The following FHIT variants were observed in gnomAD, a reference collection of about 807,000 sequenced individuals.
FHIT encodes fragile histidine triad diadenosine triphosphatase.
In FHIT, 19 loss-of-function variants were observed where a neutral mutation model predicts 17.9. That is an observed-to-expected ratio of 1.06 (90% confidence interval 0.74 to 1.56). FHIT has a LOEUF of 1.56. Ranked by LOEUF, FHIT falls within the 40% of genes most tolerant of loss-of-function variation. The pLI, the probability that FHIT is intolerant of heterozygous loss-of-function variation, is 0.00. For synonymous variants in FHIT, 81 were observed against 69.7 expected (o/e 1.16, Z -0.81); for missense variants, 248 against 189.2 (o/e 1.31, Z -1.82).
chr3:61,228,112 A>G (rs75152811), intron 1 of FHIT, among the ~76,000 whole-genome samples: 5,032 of 152,048 alleles, frequency 0.033, 124 homozygotes, highest in African/African-American at 0.06. Flanking sequence ...AGAATATGCC[A>G]CCCCAAAATA....
chr3:61,126,867 C>A (rs970438553), intron 2 of FHIT, among the ~76,000 whole-genome samples: 1 of 151,936 alleles, frequency 6.6e-6, no homozygotes, highest in African/African-American at 2.4e-5. Flanking sequence ...AGAGAGCAAG[C>A]CCTACTGTAC....
At chr3:60,581,400 A>C (rs1553659669) in intron 4 of FHIT, among the ~76,000 whole-genome samples, 1 of 152,074 alleles carries the variant, frequency 6.6e-6, no homozygotes, top group African/African-American at 2.4e-5. Context: ...TACTGTAACA[A>C]CATTAGACTG....
chr3:61,085,227 T>C (rs575469010), intron 2 of FHIT, among the ~76,000 whole-genome samples: 267 of 152,272 alleles, frequency 1.8e-3, no homozygotes, highest in Admixed American at 2.7e-3. Flanking sequence ...TGCCAAATTG[T>C]TTTCCAAAGT....
chr3:61,230,052 T>C (rs943554875), intron 1 of FHIT, among the ~76,000 whole-genome samples: 3 of 152,362 alleles, frequency 2.0e-5, no homozygotes, highest in African/African-American at 7.2e-5. Flanking sequence ...TTCCCCTCGC[T>C]GTACCTTGTT....
chr3:60,877,140 G>C (rs1289165096), intron 3 of FHIT, among the ~76,000 whole-genome samples: 1 of 152,186 alleles, frequency 6.6e-6, no homozygotes, highest in Non-Finnish European at 1.5e-5. Flanking sequence ...AACTAATACT[G>C]TGCTCTATTC....
chr3:60,960,912 T>G (rs1481316777), intron 3 of FHIT, among the ~76,000 whole-genome samples: 8 of 152,254 alleles, frequency 5.3e-5, no homozygotes, highest in Admixed American at 1.3e-4. Flanking sequence ...TGTGTCTTTA[T>G]AGCAGCATGA....
intron 5 of FHIT, among the ~76,000 whole-genome samples, chr3:60,166,397 A>T (rs1418175079): frequency 6.6e-6 from 1 of 152,174 alleles, no homozygotes; most frequent in Non-Finnish European, 1.5e-5. Flanking sequence ...TTTGGCTGCT[A>T]TTTCAAACTT....
chr3:59,888,639 T>C (rs988771813), intron 8 of FHIT, among the ~76,000 whole-genome samples: 3 of 152,186 alleles, frequency 2.0e-5, no homozygotes, highest in Non-Finnish European at 4.4e-5. Flanking sequence ...TTGATTTTCT[T>C]TGAGGGATCT....
chr3:60,620,660 G>T (rs1340056179), intron 4 of FHIT, among the ~76,000 whole-genome samples: 1 of 151,916 alleles, frequency 6.6e-6, no homozygotes, highest in African/African-American at 2.4e-5. Context: ...GAGGGAAAGA[G>T]GGATGGCTAG....
intron 4 of FHIT, among the ~76,000 whole-genome samples, chr3:60,751,136 A>C (rs2108031366): frequency 6.6e-6 from 1 of 152,368 alleles, no homozygotes; most frequent in South Asian, 2.1e-4. Flanking sequence ...GAGAGTGGTT[A>C]GAACAACAGA....
intron 2 of FHIT, among the ~76,000 whole-genome samples, chr3:61,059,514 T>C (rs1289672655): frequency 1.3e-5 from 2 of 152,122 alleles, no homozygotes; most frequent in Non-Finnish European, 2.9e-5. Context: ...AAGTTTATTC[T>C]CTTCTTAAAT....
intron 2 of FHIT, among the ~76,000 whole-genome samples, chr3:61,091,382 T>A (rs1280907585): frequency 2.0e-5 from 3 of 152,156 alleles, no homozygotes; most frequent in Non-Finnish European, 4.4e-5. Context: ...TTCCTAAGTC[T>A]TCTTCATCTG....
At chr3:60,625,005 C>T (rs1008219012) in intron 4 of FHIT, among the ~76,000 whole-genome samples, 1 of 152,058 alleles carries the variant, frequency 6.6e-6, no homozygotes, top group Non-Finnish European at 1.5e-5. Context: ...GCCTCTCAGG[C>T]TCAAGCAATC....
chr3:60,219,990 G>A (rs1370525669), intron 5 of FHIT, among the ~76,000 whole-genome samples: 1 of 152,094 alleles, frequency 6.6e-6, no homozygotes, highest in Admixed American at 6.6e-5. Context: ...AAATCCTTTG[G>A]AGTGGCTCAT....
intron 1 of FHIT, among the ~76,000 whole-genome samples, chr3:61,231,578 A>G (rs2040103452): frequency 6.6e-6 from 1 of 152,198 alleles, no homozygotes; most frequent in Non-Finnish European, 1.5e-5. Flanking sequence ...CAAACTCAAT[A>G]AATATAATCA....
At chr3:60,825,819 T>C (rs1314245248) in intron 3 of FHIT, among the ~76,000 whole-genome samples, 1 of 152,140 alleles carries the variant, frequency 6.6e-6, no homozygotes, top group Non-Finnish European at 1.5e-5. Context: ...CTGCTGTGGA[T>C]ACACATATAT....
intron 2 of FHIT, among the ~76,000 whole-genome samples, chr3:61,086,679 C>A (rs1303665890): frequency 6.6e-6 from 1 of 152,072 alleles, no homozygotes; most frequent in African/African-American, 2.4e-5. Flanking sequence ...CCCTTCAATA[C>A]CTTCAAACAA....
intron 4 of FHIT, among the ~76,000 whole-genome samples, chr3:60,543,290 T>G (rs1168440294): frequency 6.6e-6 from 1 of 152,192 alleles, no homozygotes; most frequent in Non-Finnish European, 1.5e-5. Flanking sequence ...CTGCTGTATC[T>G]TGTTAATGTC....
intron 8 of FHIT, among the ~76,000 whole-genome samples, chr3:59,866,581 C>G (rs1274387827): frequency 6.6e-6 from 1 of 152,010 alleles, no homozygotes; most frequent in Admixed American, 6.5e-5. Flanking sequence ...CCTTCCAGGA[C>G]CTGGAAGAGA....
Sources: allele counts gnomAD v4.1 joint callset (sites outside exome capture counted in the v4.1 genomes callset), GRCh38; gene constraint gnomAD v4.1.1; transcripts MANE v1.5; gene names NCBI Gene and HGNC (gene_info 2026-07-23, HGNC 2026-07-21).